The following CNTN4 variants were observed in gnomAD, a reference collection of about 807,000 sequenced individuals.
CNTN4 encodes the protein contactin-4.
A neutral mutation model predicts 122.5 loss-of-function variants in CNTN4; 77 were observed. The observed-to-expected ratio is 0.63, with a 90% CI of 0.52 to 0.76. The LOEUF is 0.76. Among genes scored for constraint, CNTN4 ranks in the 30% least tolerant of loss-of-function variants. The probability of loss-of-function intolerance (pLI) is 0.00; values close to 1 mark genes in which losing one functional copy is unlikely to be tolerated. For missense variants in CNTN4, 1,256 were observed against 1,259.1 expected, an observed-to-expected ratio of 1.00 and a Z score of 0.04; for synonymous variants, 512 against 447.0, an observed-to-expected ratio of 1.15 and a Z score of -1.83.
chr3:2,413,409 A>G (rs2047298869), intron 3 of CNTN4, among the ~76,000 whole-genome samples: 1 of 152,256 alleles, frequency 6.6e-6, no homozygotes, highest in South Asian at 2.1e-4. Context: ...ATATTGGGAA[A>G]ATGGTGTTAA....
At chr3:3,000,584 C>G (rs1695936444) in intron 14 of CNTN4, among the ~76,000 whole-genome samples, 1 of 152,224 alleles carries the variant, frequency 6.6e-6, no homozygotes, top group Non-Finnish European at 1.5e-5. Context: ...CATTTCCAGA[C>G]TAGACATCTA....
At chr3:2,677,482 A>ATATCTATCTATC (rs68070708) in intron 4 of CNTN4, among the ~76,000 whole-genome samples, 3,306 of 121,270 alleles carry the variant, frequency 0.027, 349 homozygotes, top group African/African-American at 0.052. Flanking sequence ...CTATCCATCT[A>ATATCTATCTATC]TATCTATCTA....
chr3:2,783,830 A>C (rs1475334589), intron 6 of CNTN4, among the ~76,000 whole-genome samples: 1 of 152,204 alleles, frequency 6.6e-6, no homozygotes, highest in Admixed American at 6.5e-5. Flanking sequence ...CTAATCCACC[A>C]GGTTGACACT....
intron 2 of CNTN4, among the ~76,000 whole-genome samples, chr3:2,150,390 AAATT>A (rs1260827926): frequency 6.6e-5 from 10 of 152,204 alleles, no homozygotes; most frequent in Non-Finnish European, 1.3e-4. Flanking sequence ...CATTCTTGGA[AAATT>A]AATATCTCTT....
At chr3:2,228,959 T>G (rs766404803) in intron 2 of CNTN4, among the ~76,000 whole-genome samples, 2 of 152,146 alleles carry the variant, frequency 1.3e-5, no homozygotes, top group African/African-American at 2.4e-5. Context: ...AGAACCACTT[T>G]TCTGCATCCA....
chr3:2,634,099 C>G (rs557188659), intron 4 of CNTN4, among the ~76,000 whole-genome samples: 2 of 152,270 alleles, frequency 1.3e-5, no homozygotes, highest in South Asian at 4.1e-4. Flanking sequence ...CTGGAACTAT[C>G]TACTATGCAT....
At chr3:2,763,649 AATTTTTGTGTATGGT>A (rs1443362701) in intron 6 of CNTN4, among the ~76,000 whole-genome samples, 1 of 152,040 alleles carries the variant, frequency 6.6e-6, no homozygotes, top group African/African-American at 2.4e-5. Context: ...TCCTTCAGTT[AATTTTTGTGTATGGT>A]ATAAGAAAGG....
chr3:2,721,032 G>A (rs2087820221), intron 4 of CNTN4, among the ~76,000 whole-genome samples: 1 of 152,080 alleles, frequency 6.6e-6, no homozygotes, highest in Non-Finnish European at 1.5e-5. Flanking sequence ...GAGTGCAGTG[G>A]CATGATCTCG....
At chr3:2,491,821 C>G (rs528913496) in intron 3 of CNTN4, among the ~76,000 whole-genome samples, 1 of 152,296 alleles carries the variant, frequency 6.6e-6, no homozygotes, top group South Asian at 2.1e-4. Flanking sequence ...AATCTTCCGT[C>G]AAGGAGCAGA....
At chr3:2,418,142 G>C (rs780744150) in intron 3 of CNTN4, among the ~76,000 whole-genome samples, 54 of 152,118 alleles carry the variant, frequency 3.5e-4, no homozygotes, top group Non-Finnish European at 6.3e-4. Flanking sequence ...TCCGGACTCT[G>C]GGTGATAATG....
intron 2 of CNTN4, among the ~76,000 whole-genome samples, chr3:2,101,530 G>A (rs1222880853): frequency 6.6e-6 from 1 of 150,968 alleles, no homozygotes; most frequent in Non-Finnish European, 1.5e-5. Context: ...ATGATAGGCA[G>A]GGGGAAGTCT....
chr3:2,784,354 C>T (rs1195177569), intron 6 of CNTN4, among the ~76,000 whole-genome samples: 1 of 152,148 alleles, frequency 6.6e-6, no homozygotes, highest in South Asian at 2.1e-4. Context: ...GGCTGATTTT[C>T]TCAACTTTGT....
At chr3:2,300,920 G>A (rs1343227361) in intron 2 of CNTN4, among the ~76,000 whole-genome samples, 3 of 152,060 alleles carry the variant, frequency 2.0e-5, no homozygotes, top group Non-Finnish European at 4.4e-5. Flanking sequence ...CTGGAAAATA[G>A]CATGAAGGCG....
chr3:2,432,632 G>T (rs1324974079), intron 3 of CNTN4, among the ~76,000 whole-genome samples: 1 of 151,742 alleles, frequency 6.6e-6, no homozygotes, highest in Non-Finnish European at 1.5e-5. Context: ...ATATATATGT[G>T]TGTGTATGTA....
chr3:2,814,388 A>G (rs2092682256), intron 6 of CNTN4, among the ~76,000 whole-genome samples: 1 of 152,222 alleles, frequency 6.6e-6, no homozygotes. Flanking sequence ...TTGTTTAGCT[A>G]CCTTCCTAAC....
intron 4 of CNTN4, among the ~76,000 whole-genome samples, chr3:2,700,153 T>G (rs2086278593): frequency 6.6e-6 from 1 of 152,122 alleles, no homozygotes; most frequent in Admixed American, 6.6e-5. Context: ...GAACTGGAAA[T>G]TTAGCACACA....
intron 2 of CNTN4, among the ~76,000 whole-genome samples, chr3:2,295,706 CT>C (rs1377580755): frequency 2.6e-5 from 4 of 152,074 alleles, no homozygotes; most frequent in Non-Finnish European, 4.4e-5. Flanking sequence ...TCAGTTTTGT[CT>C]TTTGTTGCCA....
chr3:3,030,823 G>A, intron 15 of CNTN4, 32 bp from the exon 16 acceptor site: 1 of 1,612,940 alleles, frequency 6.2e-7, no homozygotes, highest in Non-Finnish European at 8.5e-7. Flanking sequence ...TCATTAAAAA[G>A]TAATTGCAGC....
chr3:2,950,269 C>T (rs2094725391), intron 13 of CNTN4, among the ~76,000 whole-genome samples: 1 of 152,150 alleles, frequency 6.6e-6, no homozygotes, highest in Non-Finnish European at 1.5e-5. Context: ...GAGGCTGAAA[C>T]ATTTTGGCTG....
Sources: gnomAD v4.1 joint callset for allele counts (sites outside exome capture counted in the v4.1 genomes callset) on GRCh38, gnomAD v4.1.1 for gene constraint, MANE v1.5 for transcripts, NCBI Gene and HGNC (gene_info 2026-07-23, HGNC 2026-07-21) for gene names.